The following CENPO variants were observed in gnomAD, a reference collection of about 807,000 sequenced individuals.
The protein encoded by CENPO is centromeric protein O.
CENPO carries 30 observed loss-of-function variants against 36.1 expected under a neutral mutation model. That is an observed-to-expected ratio of 0.83 (90% CI 0.62 to 1.13). The LOEUF (loss-of-function observed/expected upper bound fraction) is 1.13. CENPO is among the 50% of genes most tolerant of loss of function. The probability of loss-of-function intolerance (pLI) is 0.00; values close to 1 mark genes in which losing one functional copy is unlikely to be tolerated. For missense variants in CENPO, 349 were observed against 357.8 expected (o/e 0.98, Z 0.20); for synonymous variants, 171 against 142.3 (o/e 1.20, Z -1.44).
At position 24,819,952 on chromosome 2, in the gene CENPO, G is replaced by A; in HGVS notation, c.*634G>A. ...GCCATTCAGGAGTTGTCCACCACCT[G>A]GTGGGGCAGTGTGACAGAGGGGCCA... On this transcript the variant is annotated 3_prime_UTR_variant, in exon 8 of 8. Coordinates refer to ENST00000380834, the MANE Select transcript of CENPO (RefSeq NM_001322101.2). 6.2e-7 allele frequency: 1 copy of A among 1,613,892 alleles called. No homozygotes were observed. Among genetic ancestry groups the A allele is most frequent in the Non-Finnish European group, 8.5e-7 (1 of 1,179,912 alleles).
At chr2:24,815,292 T>C (rs1057001908) in intron 4 of CENPO, among the ~76,000 whole-genome samples, 1 of 152,122 alleles carries the variant, frequency 6.6e-6, no homozygotes, top group Non-Finnish European at 1.5e-5. Flanking sequence ...TGTTTTTTCA[T>C]TTTTACCATT....
chr2:24,793,898 G>GGAA lies in CENPO; in HGVS notation c.-20_-18dup, dbSNP rs1166431875. 6.2e-7 allele frequency: 1 copy of GGAA among 1,614,176 alleles called. No homozygotes were observed. ...CACCGGTTGCCTAGACAACTTCATG[G>GGAA]GAAGGCCCTTGGGAATCTGAGATGG... On this transcript the variant is annotated 5_prime_UTR_variant, in exon 2 of 8. Coordinates refer to ENST00000380834, the MANE Select transcript of CENPO (RefSeq NM_001322101.2).
chr2:24,798,712 G>A (rs1012890550), intron 2 of CENPO, among the ~76,000 whole-genome samples: 8 of 151,948 alleles, frequency 5.3e-5, no homozygotes, highest in Non-Finnish European at 1.0e-4. Flanking sequence ...CACCCGCCTC[G>A]GCCTCCCAAA....
chr2:24,810,007 CACTCT>C (rs1483714424), intron 3 of CENPO, among the ~76,000 whole-genome samples: 1 of 150,550 alleles, frequency 6.6e-6, no homozygotes, highest in African/African-American at 2.4e-5. Context: ...GAGATCATGT[CACTCT>C]ACTCCAGCCT....
chr2:24,815,910 C>T (rs890416627), intron 5 of CENPO, 154 bp downstream of exon 5: 1 of 712,644 alleles, frequency 1.4e-6, no homozygotes, highest in Admixed American at 2.9e-5. Context: ...AAAGCACTAT[C>T]CCACCCTCTT....
Position 24,793,976 on chromosome 2 carries a change from G to C in CENPO, c.46+11G>C, listed in dbSNP as rs764861506. 2 of 1,596,342 alleles carry C rather than the reference G, an allele frequency of 1.3e-6. No individual in the cohort carries two copies. Among genetic ancestry groups the C allele is most frequent in the Non-Finnish European group, 1.7e-6 (2 of 1,163,696 alleles). On this transcript the variant is annotated intron_variant, in intron 2 of 7. Coordinates refer to ENST00000380834, the MANE Select transcript of CENPO (RefSeq NM_001322101.2). ...GCGAGTCCAAAGGAGGTATTCAGAGGGTCGCCGCCTCCTTCCTGCTGCTGC... is the reference window on the plus strand; with the variant it reads ...GCGAGTCCAAAGGAGGTATTCAGAGCGTCGCCGCCTCCTTCCTGCTGCTGC...
At chr2:24,809,888 A>G (rs1056352825) in intron 3 of CENPO, among the ~76,000 whole-genome samples, 1 of 152,140 alleles carries the variant, frequency 6.6e-6, no homozygotes, top group African/African-American at 2.4e-5. Flanking sequence ...TTGTTTAAAT[A>G]TCTTACATCC....
In CENPO at chr2:24,793,911, G is replaced by T; in HGVS notation, c.-9G>T. 1 of 1,614,184 alleles carries T rather than the reference G, an allele frequency of 6.2e-7. No individual in the cohort carries two copies. Among genetic ancestry groups the T allele is most frequent in the Non-Finnish European group, 8.5e-7 (1 of 1,180,024 alleles). ...GACAACTTCATGGGAAGGCCCTTGG[G>T]AATCTGAGATGGAGCAGGCGAACCC... On this transcript the variant is annotated 5_prime_UTR_variant, in exon 2 of 8. Transcript: ENST00000380834.
chr2:24,809,146 C>G (rs143553332), intron 3 of CENPO, among the ~76,000 whole-genome samples: 76 of 152,160 alleles, frequency 5.0e-4, no homozygotes, highest in African/African-American at 1.7e-3. Flanking sequence ...TTAAAACAAC[C>G]TACTGTCTTG....
Position 24,820,023 on chromosome 2 carries a change from A to C in CENPO, c.*705A>C. On this transcript the variant is annotated 3_prime_UTR_variant, in exon 8 of 8. Coordinates refer to ENST00000380834, the MANE Select transcript of CENPO (RefSeq NM_001322101.2). ...ATCCCGCCCCTTCAAGAAGAAGGTC[A>C]GCAGCTCCCCCTTCCCCTTCACAAA... The C allele has an allele frequency of 6.2e-7, 1 of 1,612,096 alleles. No homozygotes were observed. The highest frequency in any genetic ancestry group is 8.5e-7 in the Non-Finnish European group (1 of 1,179,102).
intron 3 of CENPO, among the ~76,000 whole-genome samples, chr2:24,809,926 T>TA (rs1335965419): frequency 6.6e-6 from 1 of 152,042 alleles, no homozygotes; most frequent in Non-Finnish European, 1.5e-5. Context: ...CACATACCTG[T>TA]AATCCCAGCT....
Position 24,822,335 on chromosome 2 carries a change from T to C in CENPO, c.*3017T>C. ...GGGTTGTGTGTCTGTTCTGTTTCTC[T>C]GCTTGCCGAACTTTCTCAATAAACC... On this transcript the variant is annotated 3_prime_UTR_variant, in exon 8 of 8. Transcript: ENST00000380834. 1.1e-6 allele frequency: 1 copy of C among 906,412 alleles called. No homozygotes were observed. Among genetic ancestry groups the C allele is most frequent in the Non-Finnish European group, 1.6e-6 (1 of 606,822 alleles). 56.1% of individuals were successfully genotyped at this position (906,412 alleles called of 1,614,324 possible).
intron 3 of CENPO, among the ~76,000 whole-genome samples, chr2:24,806,175 C>T (rs1041229622): frequency 1.1e-4 from 16 of 152,182 alleles, no homozygotes; most frequent in African/African-American, 2.2e-4. Context: ...GTTGGAAAAG[C>T]GCAGTATTGG....
rs1341618493 is a variant in CENPO, at chr2:24,817,673, T to C, written c.770T>C (p.Val257Ala). The change falls in exon 7 of 8, where the codon GTG becomes GCG. Residue 257 changes from valine (V) to alanine (A), a missense_variant. Val to Ala is a moderately conservative substitution (Grantham distance 64). Transcript: ENST00000380834. ...TTGATGGAATCTTTCTTTTTAGGAG[T>C]GGAAGTATTATCCACTTCATGGGAG... is the stretch of plus-strand genomic sequence containing the variant. ...PTDVTVTCQG[V>A]EVLSTSWEEQ... The C allele has an allele frequency of 6.2e-7, 1 of 1,613,832 alleles. No homozygotes were observed. The highest frequency in any genetic ancestry group is 1.3e-5 in the African/African-American group (1 of 74,824).
intron 2 of CENPO, among the ~76,000 whole-genome samples, 171 bp downstream of exon 2, chr2:24,794,136 G>A (rs1377886076): frequency 6.6e-6 from 1 of 152,204 alleles, no homozygotes; most frequent in Non-Finnish European, 1.5e-5. Flanking sequence ...ATTCGAGGAG[G>A]AAAAATGGCT....
At chr2:24,815,976 A>G (rs1330173420) in intron 5 of CENPO, 1 of 553,388 alleles carries the variant, frequency 1.8e-6, no homozygotes, top group East Asian at 3.1e-5. Flanking sequence ...AGGATTATGC[A>G]CCCCTGAATG....
intron 3 of CENPO, among the ~76,000 whole-genome samples, chr2:24,805,754 T>G (rs563822190): frequency 1.1e-4 from 17 of 152,320 alleles, no homozygotes; most frequent in Admixed American, 6.5e-4. Context: ...TGCCTCCCAG[T>G]TAGGCTACTC....
chr2:24,820,129 G>T lies in CENPO; in HGVS notation c.*811G>T. The T allele has an allele frequency of 6.5e-7, 1 of 1,532,160 alleles. No homozygotes were observed. The highest frequency in any genetic ancestry group is 8.8e-7 in the Non-Finnish European group (1 of 1,139,846). The allele number at this position is 1,532,160 out of a possible 1,614,324, so 94.9% of individuals were successfully genotyped here. On this transcript the variant is annotated 3_prime_UTR_variant, in exon 8 of 8. Transcript: ENST00000380834. ...TCTTCTACCACCTGGAGAGGGAGGG[G>T]GAGCAAGAACGTGGCGTTACGGGGG...
At chr2:24,817,879 G>T (rs189628687) in intron 7 of CENPO, 38 bp downstream of exon 7, 2 of 1,559,960 alleles carry the variant, frequency 1.3e-6, no homozygotes, top group Middle Eastern at 2.0e-4. Flanking sequence ...CAGGTGGGTA[G>T]TACTGTCTGA....
Sources: gnomAD v4.1 joint callset for allele counts (sites outside exome capture counted in the v4.1 genomes callset) on GRCh38, gnomAD v4.1.1 for gene constraint, MANE v1.5 for transcripts, NCBI Gene and HGNC (gene_info 2026-07-23, HGNC 2026-07-21) for gene names.